Variants in OR9Q1 observed in about 807,000 individuals in gnomAD.
The protein encoded by OR9Q1 is olfactory receptor family 9 subfamily Q member 1.
For synonymous variants in OR9Q1, 153 were observed against 148.6 expected, an observed-to-expected ratio of 1.03 and a Z score of -0.22; for missense variants, 374 against 378.8, an observed-to-expected ratio of 0.99 and a Z score of 0.11.
Position 58,066,289 on chromosome 11 carries a change from G to A in OR9Q1, c.-15+10342G>A, listed in dbSNP as rs368785020. Among the ~76,000 whole-genome samples, 8 of 152,174 alleles carry A rather than the reference G, an allele frequency of 5.3e-5. No individual in the cohort carries two copies. In the East Asian group the frequency reaches 5.8e-4, roughly 11 times the overall value. The stretch of plus-strand genomic sequence containing the variant: ...GGAGAAGGTGTCTGCAGGTCTGGAC[G>A]TTGGCAGGTAGCTGGGGGTCCAGAT... On this transcript the variant is annotated intron_variant, in intron 2 of 2. Coordinates refer to ENST00000335397, the MANE Select transcript of OR9Q1 (RefSeq NM_001005212.4).
chr11:58,118,014 A>G (rs1246413687), intron 2 of OR9Q1: 1 of 152,690 alleles, frequency 6.5e-6, no homozygotes, highest in Non-Finnish European at 1.5e-5. Context: ...TTTTCCTTAT[A>G]CAATACTCCC....
intron 2 of OR9Q1, among the ~76,000 whole-genome samples, chr11:58,066,602 T>G (rs1337557088): frequency 6.6e-6 from 1 of 152,066 alleles, no homozygotes; most frequent in Admixed American, 6.5e-5. Context: ...GCAGCCCCCA[T>G]CCTTGCCTCT....
intron 2 of OR9Q1, among the ~76,000 whole-genome samples, chr11:58,092,827 G>A (rs958538478): frequency 6.6e-6 from 1 of 152,244 alleles, no homozygotes; most frequent in African/African-American, 2.4e-5. Context: ...AATACAACTA[G>A]AATTTTGAGA....
At chr11:58,028,960 A>G (rs1853002685) in intron 1 of OR9Q1, among the ~76,000 whole-genome samples, 1 of 152,260 alleles carries the variant, frequency 6.6e-6, no homozygotes. Flanking sequence ...ATTCCAGTTC[A>G]GGAATCTGTG....
intron 2 of OR9Q1, among the ~76,000 whole-genome samples, chr11:58,093,218 T>C (rs1853700258): frequency 6.6e-6 from 1 of 152,210 alleles, no homozygotes; most frequent in Admixed American, 6.5e-5. Context: ...TTTATCATGA[T>C]GTTATATTTC....
At chr11:58,088,182 T>C (rs369461498) in intron 2 of OR9Q1, among the ~76,000 whole-genome samples, 1 of 151,948 alleles carries the variant, frequency 6.6e-6, no homozygotes, top group Non-Finnish European at 1.5e-5. Context: ...TAGTATTCCA[T>C]GGGGTATATG....
intron 2 of OR9Q1, among the ~76,000 whole-genome samples, chr11:58,153,688 C>T (rs1854376580): frequency 6.6e-6 from 1 of 152,122 alleles, no homozygotes; most frequent in Admixed American, 6.5e-5. Flanking sequence ...TTTGCAATCT[C>T]TATCACAGAT....
intron 2 of OR9Q1, among the ~76,000 whole-genome samples, chr11:58,126,941 A>G (rs1458298357): frequency 1.3e-5 from 2 of 151,794 alleles, no homozygotes; most frequent in Non-Finnish European, 2.9e-5. Context: ...TGTTATCTTT[A>G]ATATTGTTAT....
chr11:58,045,522 C>G (rs866154991), intron 1 of OR9Q1, among the ~76,000 whole-genome samples: 1 of 152,174 alleles, frequency 6.6e-6, no homozygotes, highest in Admixed American at 6.5e-5. Flanking sequence ...ACGTGAGCCA[C>G]CACGCCTGGC....
intron 2 of OR9Q1, among the ~76,000 whole-genome samples, chr11:58,176,994 A>G (rs1397831238): frequency 2.6e-5 from 4 of 152,156 alleles, no homozygotes; most frequent in Admixed American, 2.0e-4. Context: ...GAAGAAACTG[A>G]CCTGGTTTTC....
At chr11:58,157,592 G>A (rs1298996766) in intron 2 of OR9Q1, among the ~76,000 whole-genome samples, 1 of 152,094 alleles carries the variant, frequency 6.6e-6, no homozygotes, top group Non-Finnish European at 1.5e-5. Context: ...ATGGAAGGAA[G>A]GATTATGGAG....
At chr11:58,111,991 A>G (rs1339332185) in intron 2 of OR9Q1, among the ~76,000 whole-genome samples, 1 of 152,146 alleles carries the variant, frequency 6.6e-6, no homozygotes, top group East Asian at 1.9e-4. Context: ...TCTGAATCAT[A>G]AGATTATAAA....
At position 58,057,134 on chromosome 11, in the gene OR9Q1, T is replaced by C. The variant is rs553266027; in HGVS notation, c.-15+1187T>C. On this transcript the variant is annotated intron_variant, in intron 2 of 2. Transcript: ENST00000335397. The stretch of plus-strand genomic sequence containing the variant: ...TCAGCCTCCTGAGTAGCTGGGACTA[T>C]AGACAACGCCATTACACCTGGTTAA... Among the ~76,000 whole-genome samples the C allele has an allele frequency of 2.6e-5, 4 of 151,834 alleles. No homozygotes were observed. The South Asian group carries it at 6.3e-4, about 24-fold the overall frequency.
intron 1 of OR9Q1, among the ~76,000 whole-genome samples, chr11:58,053,632 A>ATATACAT (rs1853294744): frequency 8.4e-6 from 1 of 118,684 alleles, no homozygotes; most frequent in African/African-American, 3.1e-5. Context: ...TATATAAAAT[A>ATATACAT]TATATATATA....
intron 1 of OR9Q1, chr11:58,031,315 C>T (rs1853032471): frequency 6.2e-7 from 1 of 1,614,134 alleles, no homozygotes; most frequent in Non-Finnish European, 8.5e-7. Context: ...TACTGGCTGC[C>T]ATGGCCTATG....
intron 2 of OR9Q1, among the ~76,000 whole-genome samples, chr11:58,161,612 A>G (rs1854458675): frequency 6.6e-6 from 1 of 150,798 alleles, no homozygotes; most frequent in Admixed American, 6.6e-5. Context: ...GGCACTGTCT[A>G]GGCTCACTGC....
intron 1 of OR9Q1, among the ~76,000 whole-genome samples, chr11:58,048,679 A>AAAAATATAT (rs745596668): frequency 2.3e-5 from 3 of 131,398 alleles, no homozygotes; most frequent in South Asian, 5.5e-4. Flanking sequence ...TAAAAAAAAA[A>AAAAATATAT]ATATATATAT....
intron 2 of OR9Q1, among the ~76,000 whole-genome samples, chr11:58,127,349 T>C (rs1449856126): frequency 1.3e-5 from 2 of 152,128 alleles, no homozygotes; most frequent in Non-Finnish European, 2.9e-5. Flanking sequence ...AGTGCCTCAC[T>C]GAGGGAGTGC....
intron 2 of OR9Q1, among the ~76,000 whole-genome samples, chr11:58,071,947 A>G (rs889911518): frequency 6.6e-6 from 1 of 152,216 alleles, no homozygotes; most frequent in African/African-American, 2.4e-5. Context: ...AGCAGAAAAG[A>G]TAACTATTGG....
Sources: gnomAD v4.1 joint callset for allele counts (sites outside exome capture counted in the v4.1 genomes callset) on GRCh38, gnomAD v4.1.1 for gene constraint, MANE v1.5 for transcripts, NCBI Gene and HGNC (gene_info 2026-07-23, HGNC 2026-07-21) for gene names.